Variants in TCP11L1 observed in about 807,000 individuals in gnomAD.
TCP11L1 encodes T-complex protein 11-like protein 1.
In TCP11L1, 28 loss-of-function variants were observed where a neutral mutation model predicts 48.9. The observed-to-expected ratio is 0.57, with a 90% CI of 0.42 to 0.78. TCP11L1 has a LOEUF of 0.78. TCP11L1 is among the 30% of genes least tolerant of loss of function. The pLI, the probability that TCP11L1 is intolerant of heterozygous loss-of-function variation, is 0.00. For synonymous variants in TCP11L1, 204 were observed against 231.9 expected, an observed-to-expected ratio of 0.88 and a Z score of 1.09; for missense variants, 505 against 613.4, an observed-to-expected ratio of 0.82 and a Z score of 1.87.
chr11:33,071,782 G>C (rs768858974), intron 9 of TCP11L1, among the ~76,000 whole-genome samples: 5 of 152,144 alleles, frequency 3.3e-5, no homozygotes, highest in Non-Finnish European at 7.4e-5. Context: ...AGGATGTGTT[G>C]CTCCTCGGAG....
intron 3 of TCP11L1, chr11:33,056,721 G>A (rs1368810102): frequency 8.2e-6 from 2 of 244,624 alleles, no homozygotes; most frequent in African/African-American, 4.6e-5. Context: ...TGGGATTACA[G>A]GCGTAAGTCA....
At chr11:33,057,084 G>T (rs1554943380) in intron 3 of TCP11L1, 31 bp from the exon 4 acceptor site, 1 of 1,611,782 alleles carries the variant, frequency 6.2e-7, no homozygotes, top group East Asian at 2.2e-5. Context: ...TTTGGTTTTT[G>T]CCCCCCTCCT....
At chr11:33,062,461 T>C (rs985908865) in intron 7 of TCP11L1, among the ~76,000 whole-genome samples, 2 of 152,380 alleles carry the variant, frequency 1.3e-5, no homozygotes, top group African/African-American at 4.8e-5. Flanking sequence ...AGCAGTAGTT[T>C]AGTCCTCTTT....
At chr11:33,058,206 C>T (rs7395859) in intron 5 of TCP11L1, 67 bp downstream of exon 5, 428,909 of 1,239,164 alleles carry the variant, frequency 0.35, 42,705 homozygotes, top group African/African-American at 0.45. Context: ...TTTTTCTTTT[C>T]TTTTTTTTTT....
intron 2 of TCP11L1, among the ~76,000 whole-genome samples, chr11:33,046,265 T>G (rs534837057): frequency 2.8e-4 from 43 of 152,380 alleles, no homozygotes; most frequent in African/African-American, 9.9e-4. Context: ...CTCCCAACAG[T>G]TGGTTGATTG....
rs532068853 is a variant in TCP11L1, at chr11:33,072,167, C to T, written c.1328-307C>T. On this transcript the variant is annotated intron_variant, in intron 9 of 9. Transcript: ENST00000334274. ...CCACTCATGCATTCATTCTTGCATT[C>T]CAAGTGTGTTTGAGCTTCTCCTGGG... 3.9e-5 allele frequency among the ~76,000 whole-genome samples: 6 copies of T among 152,240 alleles called. No homozygotes were observed. The South Asian group carries it at 1.2e-3, about 32-fold the overall frequency.
intron 1 of TCP11L1, 146 bp from the exon 2 acceptor site, chr11:33,043,604 G>A (rs1187648600): frequency 3.5e-6 from 2 of 571,574 alleles, no homozygotes; most frequent in East Asian, 3.1e-5. Context: ...GAATATAGCT[G>A]GATAAGATCT....
chr11:33,057,163 C>T lies in TCP11L1; in HGVS notation c.345C>T (p.Cys115=). 6.2e-7 allele frequency: 1 copy of T among 1,613,878 alleles called. No individual in the cohort carries two copies. The highest frequency in any genetic ancestry group is 8.5e-7 in the Non-Finnish European group (1 of 1,179,972). Residue 115 remains cysteine, a synonymous_variant, in exon 4 of 10, where the codon TGC becomes TGT. Coordinates refer to ENST00000334274, the MANE Select transcript of TCP11L1 (RefSeq NM_018393.4). ...TTGTACATAAAGCGTTTTGGGATTG[C>T]TTGAGTGTGCAGCTAAGTGAAGATC... The part of the protein sequence containing the change: ...KEIVHKAFWD[C]LSVQLSEDPP...
chr11:33,040,814 A>G (rs1309172393), intron 1 of TCP11L1: 1 of 151,206 alleles, frequency 6.6e-6, no homozygotes, highest in Non-Finnish European at 1.5e-5. Flanking sequence ...ACTAGGTGAA[A>G]TCCTACTCCT....
intron 6 of TCP11L1, among the ~76,000 whole-genome samples, chr11:33,060,094 G>A (rs182022886): frequency 4.6e-5 from 7 of 152,232 alleles, no homozygotes; most frequent in Non-Finnish European, 1.0e-4. Flanking sequence ...ACTGGGAAGA[G>A]TTTTTTCTTG....
Position 33,058,850 on chromosome 11 carries a change from C to T in TCP11L1, c.639-109C>T, listed in dbSNP as rs892781930. On this transcript the variant is annotated intron_variant, in intron 5 of 9. Coordinates refer to ENST00000334274, the MANE Select transcript of TCP11L1 (RefSeq NM_018393.4). ...GGCTCAAGCAGTCCTCCCGCCTTGG[C>T]CTCCCAAAGTGTTGGGATTACAGGT... The T allele has an allele frequency of 8.1e-6, 10 of 1,235,424 alleles. No individual in the cohort carries two copies. The African/African-American group carries it at 1.5e-4, about 19-fold the overall frequency. 76.5% of individuals were successfully genotyped at this position (1,235,424 alleles called of 1,614,324 possible).
intron 3 of TCP11L1, 32 bp downstream of exon 3, chr11:33,054,757 A>G (rs1309101880): frequency 6.3e-7 from 1 of 1,588,346 alleles, no homozygotes; most frequent in Admixed American, 1.8e-5. Context: ...CTTGCTTAGT[A>G]GAACACTGTC....
At chr11:33,047,380 TAAC>T (rs1854029813) in intron 2 of TCP11L1, among the ~76,000 whole-genome samples, 1 of 152,250 alleles carries the variant, frequency 6.6e-6, no homozygotes, top group African/African-American at 2.4e-5. Context: ...AACTGTAACT[TAAC>T]AATGTTTTCT....
intron 2 of TCP11L1, among the ~76,000 whole-genome samples, chr11:33,048,052 C>G (rs1421138284): frequency 6.6e-6 from 1 of 152,128 alleles, no homozygotes; most frequent in African/African-American, 2.4e-5. Flanking sequence ...TCATGTTTAA[C>G]CTAATATGGT....
chr11:33,063,581 T>G (rs1012149401), intron 7 of TCP11L1, among the ~76,000 whole-genome samples: 1 of 152,208 alleles, frequency 6.6e-6, no homozygotes, highest in Non-Finnish European at 1.5e-5. Flanking sequence ...AATATTTTTT[T>G]CTTTTTATGT....
intron 2 of TCP11L1, among the ~76,000 whole-genome samples, chr11:33,051,258 C>T (rs1854152101): frequency 6.6e-6 from 1 of 152,128 alleles, no homozygotes; most frequent in Non-Finnish European, 1.5e-5. Flanking sequence ...AGCTTGGCCT[C>T]CCGGGTTCAC....
At chr11:33,041,284 C>G (rs955943782) in intron 1 of TCP11L1, 2 of 152,164 alleles carry the variant, frequency 1.3e-5, no homozygotes, top group Non-Finnish European at 2.9e-5. Flanking sequence ...AAATTAGCAG[C>G]GTTTTGTTTG....
intron 1 of TCP11L1, among the ~76,000 whole-genome samples, chr11:33,042,739 C>T (rs1853874899): frequency 6.6e-6 from 1 of 151,906 alleles, no homozygotes; most frequent in African/African-American, 2.4e-5. Flanking sequence ...TCGAGACCAG[C>T]CTGACCAACA....
At chr11:33,064,406 G>C (rs1357896543) in intron 7 of TCP11L1, among the ~76,000 whole-genome samples, 1 of 152,102 alleles carries the variant, frequency 6.6e-6, no homozygotes, top group African/African-American at 2.4e-5. Context: ...TCTTGACTTG[G>C]CAAATCTCAG....
Sources: allele counts gnomAD v4.1 joint callset (sites outside exome capture counted in the v4.1 genomes callset), GRCh38; gene constraint gnomAD v4.1.1; transcripts MANE v1.5; gene names NCBI Gene and HGNC (gene_info 2026-07-23, HGNC 2026-07-21).